Variants in DAB1 observed in about 807,000 individuals in gnomAD.
The protein encoded by DAB1 is disabled homolog 1.
DAB1 carries 15 observed loss-of-function variants against 64.6 expected under a neutral mutation model. That is an observed-to-expected ratio of 0.23 (90% CI 0.16 to 0.36). The LOEUF is 0.36. DAB1 is among the 10% of genes least tolerant of loss of function. The pLI is 1.00. For missense variants in DAB1, 596 were observed against 706.7 expected (o/e 0.84, Z 1.78); for synonymous variants, 235 against 251.9 (o/e 0.93, Z 0.64).
intron 3 of DAB1, among the ~76,000 whole-genome samples, chr1:58,490,887 G>A (rs1645673160): frequency 7.8e-6 from 1 of 127,688 alleles, no homozygotes; most frequent in South Asian, 2.7e-4. Context: ...CTCACAGCAA[G>A]CTCTGCCTCC....
rs1050983077 is a variant in DAB1, at chr1:58,126,957, C to T, written n.387+23554G>A. ...TCTTTATAGCAGCATTATTTATAGT[C>T]ATTTGGGTATATACCCAGTAATGGG... On this transcript the variant is annotated intron_variant and non_coding_transcript_variant, in intron 5 of 20. Transcript: ENST00000485760. Among the ~76,000 whole-genome samples, 6 of 148,366 alleles carry T rather than the reference C, an allele frequency of 4.0e-5. No individual in the cohort carries two copies. The South Asian group carries it at 6.6e-4, about 16-fold the overall frequency.
intron 4 of DAB1, among the ~76,000 whole-genome samples, chr1:58,208,016 C>T (rs1416957063): frequency 3.9e-5 from 6 of 152,108 alleles, no homozygotes; most frequent in Admixed American, 2.6e-4. Context: ...CACATGGTGG[C>T]AGCAAGGAGG....
chr1:57,959,307 C>A (rs1645462481), intron 5 of DAB1, among the ~76,000 whole-genome samples: 1 of 152,120 alleles, frequency 6.6e-6, no homozygotes, highest in South Asian at 2.1e-4. Flanking sequence ...TCTAAGTACT[C>A]TAACAAATGG....
intron 3 of DAB1, among the ~76,000 whole-genome samples, chr1:58,392,459 A>T (rs1350071432): frequency 6.6e-6 from 1 of 152,134 alleles, no homozygotes; most frequent in Non-Finnish European, 1.5e-5. Flanking sequence ...TCTAGACACC[A>T]TTCCTTCTTG....
At chr1:57,575,436 C>T (rs893923700) in intron 7 of DAB1, among the ~76,000 whole-genome samples, 2 of 152,094 alleles carry the variant, frequency 1.3e-5, no homozygotes, top group African/African-American at 4.8e-5. Context: ...ACTGGAAAAC[C>T]AAGTCTCTGA....
intron 3 of DAB1, among the ~76,000 whole-genome samples, chr1:58,353,111 T>C (rs919643455): frequency 6.6e-6 from 1 of 152,064 alleles, no homozygotes. Context: ...CTCATGCCAC[T>C]TTTCCCAAAG....
At chr1:58,249,717 AG>A (rs921016975) in intron 4 of DAB1, among the ~76,000 whole-genome samples, 18 of 152,136 alleles carry the variant, frequency 1.2e-4, no homozygotes, top group African/African-American at 4.3e-4. Context: ...TCCCCGGGAC[AG>A]GAAGGGTTAA....
At chr1:57,430,194 T>G (rs527552166) in intron 7 of DAB1, among the ~76,000 whole-genome samples, 1 of 152,282 alleles carries the variant, frequency 6.6e-6, no homozygotes, top group East Asian at 1.9e-4. Context: ...GTGCAGATCT[T>G]TCACATCGAT....
intron 5 of DAB1, among the ~76,000 whole-genome samples, chr1:57,984,184 AAAAGAAAG>A (rs557402048): frequency 0.047 from 2,357 of 50,504 alleles, 99 homozygotes; most frequent in African/African-American, 0.053. Context: ...TAGCTTAAAA[AAAAGAAAG>A]AAAGAAAGAA....
intron 4 of DAB1, among the ~76,000 whole-genome samples, chr1:58,218,813 A>G (rs1157772359): frequency 6.6e-6 from 1 of 152,194 alleles, no homozygotes; most frequent in African/African-American, 2.4e-5. Context: ...AGAAAAGTCC[A>G]TTTCCCCAAC....
chr1:57,678,761 G>GTTTTTTTTTTTTTTTTTTTTTTTTTTT (rs143885937), intron 6 of DAB1, among the ~76,000 whole-genome samples: 1 of 135,808 alleles, frequency 7.4e-6, no homozygotes, highest in Non-Finnish European at 1.5e-5. Flanking sequence ...TGAGGCAACT[G>GTTTTTTTTTTTTTTTTTTTTTTTTTTT]TTTTTTGTTT....
Position 57,200,791 on chromosome 1 carries a change from C to T in DAB1, c.68-55362G>A, listed in dbSNP as rs1226260286. Among the ~76,000 whole-genome samples, 3 of 152,158 alleles carry T rather than the reference C, an allele frequency of 2.0e-5. No homozygotes were observed. In the South Asian group the frequency reaches 6.2e-4, roughly 32 times the overall value. On this transcript the variant is annotated intron_variant, in intron 2 of 14. Transcript: ENST00000371236. ...GGCAAGTTTATAGAGTTAAAAACAA[C>T]TCATGTTAATAAAGTACTTTCCAAT...
chr1:58,143,413 G>A (rs185513397), intron 5 of DAB1, among the ~76,000 whole-genome samples: 1 of 152,280 alleles, frequency 6.6e-6, no homozygotes, highest in East Asian at 1.9e-4. Context: ...CTACATAACA[G>A]CAGGTATTCA....
intron 5 of DAB1, among the ~76,000 whole-genome samples, chr1:57,993,290 A>C (rs1646375631): frequency 6.6e-6 from 1 of 152,260 alleles, no homozygotes; most frequent in Admixed American, 6.5e-5. Context: ...TTAAAAAGAA[A>C]AAAAGATAAA....
In DAB1 at chr1:57,354,531, A is replaced by C. The variant is rs549177347; in HGVS notation, c.-136-63365T>G. On this transcript the variant is annotated intron_variant, in intron 1 of 14. Coordinates refer to ENST00000371236, the MANE Select transcript of DAB1 (RefSeq NM_001365792.1). ...TTCCACATCAGTTGCTGTTGGGTTG[A>C]GGGTGGGGGGTTAGGATGTACGCTA... Among the ~76,000 whole-genome samples, 4 of 152,204 alleles carry C rather than the reference A, an allele frequency of 2.6e-5. No individual in the cohort carries two copies. In the East Asian group the frequency reaches 7.7e-4, roughly 29 times the overall value.
At position 57,682,039 on chromosome 1, in the gene DAB1, G is replaced by T. The variant is rs116182784; in HGVS notation, n.552-32374C>A. The stretch of plus-strand genomic sequence containing the variant: ...CTTCCGAACATCTCATTCTGAAACA[G>T]AAGTAGGCAGCCAGGGGTGATTAGA... On this transcript the variant is annotated intron_variant and non_coding_transcript_variant, in intron 6 of 20. Transcript: ENST00000485760. 7.6e-3 allele frequency among the ~76,000 whole-genome samples: 1,163 copies of T among 152,208 alleles called. 14 individuals carry two copies. Among genetic ancestry groups the T allele is most frequent in the African/African-American group, 0.027 (1,118 of 41,506 alleles).
chr1:57,768,141 C>T (rs1228666039), intron 6 of DAB1, among the ~76,000 whole-genome samples: 3 of 140,566 alleles, frequency 2.1e-5, no homozygotes, highest in Non-Finnish European at 3.0e-5. Context: ...CGAGCCACTG[C>T]ACTCCAGCCT....
At chr1:57,458,873 C>T (rs913690955) in intron 7 of DAB1, among the ~76,000 whole-genome samples, 12 of 151,942 alleles carry the variant, frequency 7.9e-5, no homozygotes, top group Non-Finnish European at 1.5e-4. Flanking sequence ...TGTTTAAAGA[C>T]CAGAAAAAGG....
intron 3 of DAB1, among the ~76,000 whole-genome samples, chr1:58,475,018 T>C (rs940435185): frequency 6.6e-6 from 1 of 152,204 alleles, no homozygotes; most frequent in African/African-American, 2.4e-5. Context: ...CAGCCCATCA[T>C]CTGGCGAATG....
Sources: gnomAD v4.1 joint callset for allele counts (sites outside exome capture counted in the v4.1 genomes callset) on GRCh38, gnomAD v4.1.1 for gene constraint, MANE v1.5 for transcripts, NCBI Gene and HGNC (gene_info 2026-07-23, HGNC 2026-07-21) for gene names.